The following LRRFIP1 variants were observed in gnomAD, a reference collection of about 807,000 sequenced individuals.
LRRFIP1 encodes the protein leucine-rich repeat flightless-interacting protein 1.
LRRFIP1 carries 62 observed loss-of-function variants against 104.4 expected under a neutral mutation model. That is an observed-to-expected ratio of 0.59 (90% CI 0.48 to 0.73). LRRFIP1 has a LOEUF of 0.73. Among genes scored for constraint, LRRFIP1 ranks in the 30% least tolerant of loss-of-function variants. The pLI, the probability that LRRFIP1 is intolerant of heterozygous loss-of-function variation, is 0.00. For synonymous variants in LRRFIP1, 300 were observed against 299.0 expected (o/e 1.00, Z -0.03); for missense variants, 796 against 824.5 (o/e 0.97, Z 0.42).
At chr2:237,778,924 A>AC (rs1277512557) in intron 23 of LRRFIP1, among the ~76,000 whole-genome samples, 3 of 149,850 alleles carry the variant, frequency 2.0e-5, no homozygotes, top group Non-Finnish European at 4.4e-5. Flanking sequence ...CTCAAAAAAA[A>AC]AAACAAACAA....
intron 2 of LRRFIP1, among the ~76,000 whole-genome samples, chr2:237,712,801 G>A (rs1031937093): frequency 2.6e-5 from 4 of 152,118 alleles, no homozygotes; most frequent in Non-Finnish European, 4.4e-5. Context: ...CCTCCCTCAC[G>A]CTCTTCTTTG....
At chr2:237,713,313 C>T (rs373717426) in intron 2 of LRRFIP1, among the ~76,000 whole-genome samples, 4 of 152,130 alleles carry the variant, frequency 2.6e-5, no homozygotes, top group Non-Finnish European at 5.9e-5. Flanking sequence ...AGCTGCGTTC[C>T]GGGGTCTGTT....
chr2:237,666,332 C>T (rs1039529105), intron 1 of LRRFIP1, among the ~76,000 whole-genome samples: 1 of 152,180 alleles, frequency 6.6e-6, no homozygotes, highest in Non-Finnish European at 1.5e-5. Context: ...TTTTAGGTTT[C>T]TTTTAAAATG....
chr2:237,753,835 TG>T (rs780782914), intron 15 of LRRFIP1, among the ~76,000 whole-genome samples: 37,050 of 145,284 alleles, frequency 0.26, 5,030 homozygotes, highest in East Asian at 0.52. Context: ...TGTGTGTGTG[TG>T]TGTGTATGTA....
At chr2:237,758,954 A>G (rs1280288726) in intron 18 of LRRFIP1, 133 bp downstream of exon 18, 1 of 584,560 alleles carries the variant, frequency 1.7e-6, no homozygotes, top group African/African-American at 1.9e-5. Flanking sequence ...AATAATTCAT[A>G]TATTGGGTTA....
chr2:237,738,655 T>G (rs930954894), intron 10 of LRRFIP1, among the ~76,000 whole-genome samples: 36 of 152,258 alleles, frequency 2.4e-4, no homozygotes, highest in Admixed American at 1.8e-3. Context: ...TGCTGGTATT[T>G]TCCTTTACCA....
intron 1 of LRRFIP1, chr2:237,692,200 C>T (rs867271031): frequency 2.8e-5 from 30 of 1,061,246 alleles, no homozygotes; most frequent in Middle Eastern, 8.6e-4. Context: ...TCCCGCTTCC[C>T]CGGCGCCCTT....
intron 1 of LRRFIP1, among the ~76,000 whole-genome samples, chr2:237,704,282 A>T (rs943778579): frequency 6.6e-6 from 1 of 151,230 alleles, no homozygotes; most frequent in African/African-American, 2.4e-5. Flanking sequence ...CCTCCCGAGT[A>T]GCTGGGATTA....
intron 20 of LRRFIP1, among the ~76,000 whole-genome samples, chr2:237,771,639 C>G (rs1033856115): frequency 6.9e-6 from 1 of 145,054 alleles, no homozygotes; most frequent in African/African-American, 2.5e-5. Flanking sequence ...GAGACCAACT[C>G]CCTGAAAGCT....
intron 6 of LRRFIP1, among the ~76,000 whole-genome samples, chr2:237,722,639 T>G (rs78199920): frequency 2.0e-5 from 3 of 152,218 alleles, no homozygotes; most frequent in African/African-American, 7.2e-5. Flanking sequence ...TTCAGCCACA[T>G]GACACTTTCC....
chr2:237,736,298 A>G (rs150991572), intron 10 of LRRFIP1, among the ~76,000 whole-genome samples: 7 of 152,342 alleles, frequency 4.6e-5, no homozygotes, highest in African/African-American at 1.4e-4. Context: ...TTTATATTAC[A>G]TAAGTTGTTC....
At chr2:237,706,786 C>T (rs1364772849) in intron 1 of LRRFIP1, among the ~76,000 whole-genome samples, 1 of 152,136 alleles carries the variant, frequency 6.6e-6, no homozygotes, top group East Asian at 1.9e-4. Context: ...TGCTACCACA[C>T]CTGGCTAGTT....
At chr2:237,771,535 G>A (rs2060625582) in intron 20 of LRRFIP1, among the ~76,000 whole-genome samples, 1 of 147,306 alleles carries the variant, frequency 6.8e-6, no homozygotes, top group African/African-American at 2.5e-5. Context: ...TGGTGTCTGA[G>A]GGGTCCTGGA....
chr2:237,744,436 T>G (rs1423845288), intron 11 of LRRFIP1, among the ~76,000 whole-genome samples: 1 of 152,148 alleles, frequency 6.6e-6, no homozygotes, highest in Non-Finnish European at 1.5e-5. Flanking sequence ...TATTCTTTCT[T>G]TAGGAAAATG....
intron 17 of LRRFIP1, among the ~76,000 whole-genome samples, chr2:237,758,032 C>T (rs1205847847): frequency 6.6e-6 from 1 of 152,124 alleles, no homozygotes; most frequent in East Asian, 1.9e-4. Flanking sequence ...CAGTTCTACA[C>T]TTAGAATTGA....
chr2:237,673,795 C>A (rs1313500790), intron 1 of LRRFIP1, among the ~76,000 whole-genome samples: 1 of 152,048 alleles, frequency 6.6e-6, no homozygotes, highest in Admixed American at 6.6e-5. Flanking sequence ...TGGGAGGGCA[C>A]GGAGTGGCAT....
chr2:237,759,856 G>A (rs1251440212), intron 18 of LRRFIP1, among the ~76,000 whole-genome samples: 1 of 152,142 alleles, frequency 6.6e-6, no homozygotes, highest in Non-Finnish European at 1.5e-5. Context: ...GAACATCTGA[G>A]AAAGAAGTAG....
rs374631914 is a variant in LRRFIP1 at position 237,712,370 on chromosome 2, G to A, written c.184-1889G>A. Among the ~76,000 whole-genome samples the A allele has an allele frequency of 4.3e-4, 66 of 152,276 alleles. No homozygotes were observed. In the South Asian group the frequency reaches 7.1e-3, roughly 16 times the overall value. ...TGGGGTTGAAGTTCACATTGAGGAC[G>A]CTGGCACGCACAGCAAAGGGGGAAA... On this transcript the variant is annotated intron_variant, in intron 2 of 23. Coordinates refer to ENST00000308482, the MANE Select transcript of LRRFIP1 (RefSeq NM_001137550.2).
intron 1 of LRRFIP1, among the ~76,000 whole-genome samples, chr2:237,653,467 T>C (rs2149407006): frequency 6.6e-6 from 1 of 152,256 alleles, no homozygotes; most frequent in South Asian, 2.1e-4. Flanking sequence ...GCAGTCCCTA[T>C]CAAAACTCCA....
Sources: allele counts gnomAD v4.1 joint callset (sites outside exome capture counted in the v4.1 genomes callset), GRCh38; gene constraint gnomAD v4.1.1; transcripts MANE v1.5; gene names NCBI Gene and HGNC (gene_info 2026-07-23, HGNC 2026-07-21).